PAG1: variants seen among roughly 807,000 people sequenced by gnomAD.
PAG1 encodes the protein phosphoprotein associated with glycosphingolipid-enriched microdomains 1.
PAG1 carries 23 observed loss-of-function variants against 31.7 expected under a neutral mutation model. The observed-to-expected ratio is 0.73, with a 90% CI of 0.52 to 1.03. PAG1 has a LOEUF of 1.03. PAG1 is among the 50% of genes least tolerant of loss of function. The probability of loss-of-function intolerance (pLI) is 0.00; values close to 1 mark genes in which losing one functional copy is unlikely to be tolerated. For synonymous variants in PAG1, 214 were observed against 210.3 expected (o/e 1.02, Z -0.15); for missense variants, 473 against 540.7 (o/e 0.87, Z 1.24).
At chr8:81,005,348 C>T (rs968832479) in intron 3 of PAG1, among the ~76,000 whole-genome samples, 27 of 152,294 alleles carry the variant, frequency 1.8e-4, no homozygotes, top group Admixed American at 1.4e-3. Context: ...TGATCTCCCT[C>T]TCCTCCATTC....
At chr8:81,001,834 T>C (rs1348672) in intron 3 of PAG1, among the ~76,000 whole-genome samples, 133,006 of 152,170 alleles carry the variant, frequency 0.87, 58,490 homozygotes, top group African/African-American at 0.92. Context: ...CTGCCCAGCA[T>C]GCTCTCAGCC....
At position 81,062,284 on chromosome 8, in the gene PAG1, A is replaced by C. The variant is rs543979534; in HGVS notation, c.-175+7828T>G. On this transcript the variant is annotated intron_variant, in intron 2 of 8. Transcript: ENST00000220597. ...TTAGCAGAAGTTTAAGAACACACTAAACTCCTTGCATTCACACTTGTTTTC... is the reference window on the plus strand; with the variant it reads ...TTAGCAGAAGTTTAAGAACACACTACACTCCTTGCATTCACACTTGTTTTC... Among the ~76,000 whole-genome samples the C allele has an allele frequency of 7.9e-5, 12 of 152,340 alleles. No homozygotes were observed. In the East Asian group the frequency reaches 1.9e-3, roughly 24 times the overall value.
chr8:81,024,942 A>C (rs1808249612), intron 3 of PAG1, among the ~76,000 whole-genome samples: 1 of 152,180 alleles, frequency 6.6e-6, no homozygotes, highest in South Asian at 2.1e-4. Flanking sequence ...TTATTCTTAA[A>C]ACTCTTCTGG....
chr8:81,102,458 A>C (rs932816502), intron 1 of PAG1, among the ~76,000 whole-genome samples: 1 of 152,172 alleles, frequency 6.6e-6, no homozygotes, highest in Non-Finnish European at 1.5e-5. Context: ...GGCACCATGA[A>C]GCTTGAAATT....
intron 3 of PAG1, among the ~76,000 whole-genome samples, chr8:81,028,008 G>T (rs1416545774): frequency 1.3e-5 from 2 of 152,050 alleles, no homozygotes; most frequent in African/African-American, 4.8e-5. Flanking sequence ...TGCTGTTGGG[G>T]CTGCTGGGTG....
intron 1 of PAG1, among the ~76,000 whole-genome samples, chr8:81,085,553 T>C (rs553018219): frequency 6.6e-6 from 1 of 152,310 alleles, no homozygotes; most frequent in South Asian, 2.1e-4. Context: ...CCGTGAAATG[T>C]GCTTAGGAAA....
intron 1 of PAG1, among the ~76,000 whole-genome samples, chr8:81,106,626 A>G (rs28683599): frequency 0.64 from 97,271 of 152,070 alleles, 34,028 homozygotes; most frequent in East Asian, 1. Flanking sequence ...AATCACAATA[A>G]TTCCTTTATA....
intron 3 of PAG1, among the ~76,000 whole-genome samples, chr8:81,015,943 C>G (rs1808065335): frequency 6.6e-6 from 1 of 152,156 alleles, no homozygotes; most frequent in Non-Finnish European, 1.5e-5. Flanking sequence ...GAACCCAGCC[C>G]ACATGCTTTG....
intron 1 of PAG1, among the ~76,000 whole-genome samples, chr8:81,083,143 A>G (rs766138299): frequency 1.3e-5 from 2 of 152,008 alleles, no homozygotes; most frequent in Non-Finnish European, 2.9e-5. Flanking sequence ...GTTCCCTACT[A>G]CACCTCCCCT....
intron 1 of PAG1, among the ~76,000 whole-genome samples, chr8:81,078,272 T>C (rs951879977): frequency 5.9e-5 from 9 of 152,196 alleles, no homozygotes; most frequent in African/African-American, 2.2e-4. Context: ...TAGACAAATA[T>C]CTAAAAAGAA....
intron 2 of PAG1, among the ~76,000 whole-genome samples, chr8:81,043,578 T>C (rs1808591012): frequency 2.6e-5 from 4 of 152,218 alleles, no homozygotes; most frequent in Admixed American, 2.6e-4. Flanking sequence ...ATGGTGTGGT[T>C]ATACTATAAT....
At chr8:81,001,325 T>C (rs1166375703) in intron 3 of PAG1, among the ~76,000 whole-genome samples, 1 of 152,202 alleles carries the variant, frequency 6.6e-6, no homozygotes, top group Non-Finnish European at 1.5e-5. Context: ...ATTGGATGAA[T>C]TAATAGTTAA....
At chr8:81,044,916 C>T (rs761670728) in intron 2 of PAG1, among the ~76,000 whole-genome samples, 9 of 152,276 alleles carry the variant, frequency 5.9e-5, no homozygotes, top group Non-Finnish European at 8.8e-5. Context: ...CCCCCCTCCC[C>T]ACCAGTCTCC....
chr8:81,042,438 T>A (rs913225185), intron 2 of PAG1, among the ~76,000 whole-genome samples: 1 of 152,242 alleles, frequency 6.6e-6, no homozygotes, highest in African/African-American at 2.4e-5. Flanking sequence ...TAACATTACC[T>A]TTAACACACT....
intron 2 of PAG1, among the ~76,000 whole-genome samples, chr8:81,035,368 C>A (rs1808445988): frequency 6.6e-6 from 1 of 152,130 alleles, no homozygotes; most frequent in African/African-American, 2.4e-5. Flanking sequence ...TCTTAGGATA[C>A]CAGAGCCTAC....
At chr8:81,065,090 G>C (rs575045838) in intron 2 of PAG1, among the ~76,000 whole-genome samples, 6 of 152,270 alleles carry the variant, frequency 3.9e-5, no homozygotes, top group Middle Eastern at 3.4e-3. Context: ...AGCTGCTCTT[G>C]GGGGGAGGCG....
chr8:80,991,281 T>A (rs1426899430), intron 5 of PAG1, among the ~76,000 whole-genome samples, 198 bp downstream of exon 5: 2 of 152,216 alleles, frequency 1.3e-5, no homozygotes, highest in Non-Finnish European at 2.9e-5. Context: ...GTCCCATCCC[T>A]GCAGTAGGTT....
chr8:80,993,437 C>A, intron 3 of PAG1, 130 bp from the exon 4 acceptor site: 1 of 493,686 alleles, frequency 2.0e-6, no homozygotes. Context: ...GAGGAGAGCC[C>A]CGGACTGGAC....
rs1250955024 is a variant in PAG1, at chr8:81,084,783, G to A, written c.-233-14613C>T. Among the ~76,000 whole-genome samples, 3 of 152,124 alleles carry A rather than the reference G, an allele frequency of 2.0e-5. 1 individual carries two copies. The highest frequency in any genetic ancestry group is 1.9e-4 in the East Asian group (1 of 5,198). The stretch of plus-strand genomic sequence containing the variant: ...GATGTACATTATGAGTGTCAGTCAC[G>A]ATATTAGAGCAGACAAGTGCCAAAA... On this transcript the variant is annotated intron_variant, in intron 1 of 8. Transcript: ENST00000220597.
Sources: gnomAD v4.1 joint callset for allele counts (sites outside exome capture counted in the v4.1 genomes callset) on GRCh38, gnomAD v4.1.1 for gene constraint, MANE v1.5 for transcripts, NCBI Gene and HGNC (gene_info 2026-07-23, HGNC 2026-07-21) for gene names.